The following LRRTM4 variants were observed in gnomAD, a reference collection of about 807,000 sequenced individuals.
The protein encoded by LRRTM4 is leucine-rich repeat transmembrane neuronal protein 4.
Under a neutral mutation model 47.6 loss-of-function variants are expected in LRRTM4, and 25 were observed. The observed-to-expected ratio is 0.53, with a 90% CI of 0.38 to 0.73. The LOEUF (loss-of-function observed/expected upper bound fraction) is 0.73. Among genes scored for constraint, LRRTM4 ranks in the 30% least tolerant of loss-of-function variants. The probability of loss-of-function intolerance (pLI) is 0.00; values close to 1 mark genes in which losing one functional copy is unlikely to be tolerated. For missense variants in LRRTM4, 638 were observed against 713.4 expected, an observed-to-expected ratio of 0.89 and a Z score of 1.20; for synonymous variants, 311 against 269.5, an observed-to-expected ratio of 1.15 and a Z score of -1.51.
intron 3 of LRRTM4, among the ~76,000 whole-genome samples, chr2:76,765,760 C>G (rs1239962269): frequency 6.6e-6 from 1 of 152,180 alleles, no homozygotes; most frequent in African/African-American, 2.4e-5. Context: ...TTTAAGCCAA[C>G]CCATCTGTGG....
chr2:77,130,520 T>A (rs936221233), intron 3 of LRRTM4, among the ~76,000 whole-genome samples: 4 of 152,032 alleles, frequency 2.6e-5, no homozygotes, highest in Non-Finnish European at 4.4e-5. Flanking sequence ...ATTTTTATTT[T>A]TATTTTTTTG....
chr2:76,993,415 C>A (rs1272074605), intron 3 of LRRTM4, among the ~76,000 whole-genome samples: 1 of 151,728 alleles, frequency 6.6e-6, no homozygotes, highest in Non-Finnish European at 1.5e-5. Flanking sequence ...TCTCATCAAG[C>A]AAAAACCAAC....
chr2:76,791,091 C>A (rs1005461144), intron 3 of LRRTM4, among the ~76,000 whole-genome samples: 1 of 152,108 alleles, frequency 6.6e-6, no homozygotes, highest in Non-Finnish European at 1.5e-5. Context: ...TTCACAGGAT[C>A]CAGAATGGAC....
At chr2:77,378,107 A>G (rs1426206139) in intron 3 of LRRTM4, among the ~76,000 whole-genome samples, 3 of 151,942 alleles carry the variant, frequency 2.0e-5, no homozygotes, top group African/African-American at 4.8e-5. Flanking sequence ...ATCTGTAATT[A>G]CAAATTACAA....
chr2:76,866,175 C>G (rs1224213240), intron 3 of LRRTM4, among the ~76,000 whole-genome samples: 1 of 152,170 alleles, frequency 6.6e-6, no homozygotes, highest in Non-Finnish European at 1.5e-5. Flanking sequence ...ACCTCCCTGC[C>G]AGATCCATCC....
At chr2:77,362,173 G>GAAA (rs5832277) in intron 3 of LRRTM4, among the ~76,000 whole-genome samples, 1,528 of 151,050 alleles carry the variant, frequency 0.01, 18 homozygotes, top group Middle Eastern at 0.014. Context: ...AAGAAAGAAA[G>GAAA]GAAGGAAGGA....
chr2:77,509,324 T>C (rs1678896594), intron 3 of LRRTM4, among the ~76,000 whole-genome samples: 1 of 152,002 alleles, frequency 6.6e-6, no homozygotes, highest in South Asian at 2.1e-4. Context: ...AGGGAATTTA[T>C]AAGTTGTTTC....
intron 3 of LRRTM4, among the ~76,000 whole-genome samples, chr2:76,894,041 A>T (rs1223948701): frequency 6.6e-6 from 1 of 151,994 alleles, no homozygotes; most frequent in South Asian, 2.1e-4. Flanking sequence ...ATTATACTGA[A>T]AAATATCAGT....
chr2:76,814,203 TTTTA>T (rs1231187999), intron 3 of LRRTM4, among the ~76,000 whole-genome samples: 1 of 152,140 alleles, frequency 6.6e-6, no homozygotes, highest in Non-Finnish European at 1.5e-5. Flanking sequence ...AATTTGTTTA[TTTTA>T]AATTTGAAAA....
At chr2:76,797,402 G>T (rs1005024262) in intron 3 of LRRTM4, among the ~76,000 whole-genome samples, 5 of 151,976 alleles carry the variant, frequency 3.3e-5, no homozygotes, top group African/African-American at 7.2e-5. Context: ...ATACTTTACA[G>T]ACAAGCAAAT....
chr2:77,043,035 C>T (rs1212961384), intron 3 of LRRTM4, among the ~76,000 whole-genome samples: 2 of 151,798 alleles, frequency 1.3e-5, no homozygotes, highest in African/African-American at 2.4e-5. Flanking sequence ...GAGATTTACT[C>T]AGGCCTAGGA....
At chr2:76,785,489 G>A (rs61462161) in intron 3 of LRRTM4, among the ~76,000 whole-genome samples, 12 of 152,086 alleles carry the variant, frequency 7.9e-5, no homozygotes, top group Admixed American at 5.2e-4. Context: ...ATATGGGTAC[G>A]TCAGTCTCTA....
intron 3 of LRRTM4, among the ~76,000 whole-genome samples, chr2:77,210,770 T>C (rs1339591404): frequency 1.3e-5 from 2 of 152,168 alleles, no homozygotes; most frequent in African/African-American, 4.8e-5. Flanking sequence ...CCTGAGGCCA[T>C]TCAGCTAATA....
chr2:77,498,836 A>G (rs537768862), intron 3 of LRRTM4, among the ~76,000 whole-genome samples: 2 of 152,002 alleles, frequency 1.3e-5, no homozygotes, highest in East Asian at 3.9e-4. Context: ...TATATCATCC[A>G]TGTCATCAAC....
intron 3 of LRRTM4, among the ~76,000 whole-genome samples, chr2:76,949,822 A>C (rs951586045): frequency 6.6e-6 from 1 of 151,994 alleles, no homozygotes; most frequent in African/African-American, 2.4e-5. Flanking sequence ...CATTAAGAAA[A>C]CACAGAAAAT....
chr2:77,266,570 G>C (rs914061305), intron 3 of LRRTM4, among the ~76,000 whole-genome samples: 18 of 152,118 alleles, frequency 1.2e-4, no homozygotes, highest in African/African-American at 4.3e-4. Flanking sequence ...TAGAGTGGAG[G>C]AAATTGCATT....
In LRRTM4 at chr2:77,434,287, C is replaced by G. The variant is rs375384792; in HGVS notation, c.1551+84031G>C. Among the ~76,000 whole-genome samples, 266 of 151,868 alleles carry G rather than the reference C, an allele frequency of 1.8e-3. 2 individuals are homozygous for G. The highest frequency in any genetic ancestry group is 6.2e-3 in the African/African-American group (256 of 41,444). On this transcript the variant is annotated intron_variant, in intron 3 of 3. Transcript: ENST00000409884. ...TTCCACATGTCAGAGCAGAATGGCT[C>G]TTACTGAATAGGAACCAGGAAAATA...
intron 3 of LRRTM4, among the ~76,000 whole-genome samples, chr2:76,894,447 T>A (rs2103723062): frequency 6.6e-6 from 1 of 152,200 alleles, no homozygotes; most frequent in African/African-American, 2.4e-5. Flanking sequence ...TTTGAGGATA[T>A]GTCTAAACTA....
At chr2:77,498,107 T>C (rs1417742762) in intron 3 of LRRTM4, among the ~76,000 whole-genome samples, 5 of 151,842 alleles carry the variant, frequency 3.3e-5, no homozygotes, top group African/African-American at 4.8e-5. Flanking sequence ...GAAAAAAATA[T>C]TATTTTCTTT....
Sources: allele counts gnomAD v4.1 joint callset (sites outside exome capture counted in the v4.1 genomes callset), GRCh38; gene constraint gnomAD v4.1.1; transcripts MANE v1.5; gene names NCBI Gene and HGNC (gene_info 2026-07-23, HGNC 2026-07-21).